The following CYP3A43 variants were observed in gnomAD, a reference collection of about 807,000 sequenced individuals.
The protein encoded by CYP3A43 is cytochrome P450 family 3 subfamily A member 43.
A neutral mutation model predicts 58.0 loss-of-function variants in CYP3A43; 45 were observed. That is an observed-to-expected ratio of 0.78 (90% confidence interval 0.61 to 0.99). The LOEUF (loss-of-function observed/expected upper bound fraction) is 0.99. Ranked by LOEUF, CYP3A43 falls within the 50% of genes least tolerant of loss-of-function variation. The pLI, the probability that CYP3A43 is intolerant of heterozygous loss-of-function variation, is 0.00. For synonymous variants in CYP3A43, 191 were observed against 201.4 expected, an observed-to-expected ratio of 0.95 and a Z score of 0.44; for missense variants, 593 against 591.9, an observed-to-expected ratio of 1.00 and a Z score of -0.02.
chr7:99,834,616 T>C (rs1816990301), intron 1 of CYP3A43, among the ~76,000 whole-genome samples: 1 of 152,202 alleles, frequency 6.6e-6, no homozygotes, highest in African/African-American at 2.4e-5. Context: ...CAAGTGCGGC[T>C]TAGAATAGAC....
At position 99,847,519 on chromosome 7, in the gene CYP3A43, C is replaced by T; in HGVS notation, c.350C>T (p.Ala117Val). Residue 117 changes from alanine (A) to valine (V), a missense_variant, in exon 5 of 13, where the codon GCC becomes GTC. By Grantham distance (64) the Ala-to-Val change is moderately conservative. Transcript: ENST00000354829. ...PLGPMGFLKS[A>V]LSFAEDEEWK... ...GGTCCAATGGGATTTCTGAAAAGTG[C>T]CTTAAGTTTTGCTGAAGATGAAGAA... 1 of 1,613,758 alleles carries T rather than the reference C, an allele frequency of 6.2e-7. No individual in the cohort carries two copies. The highest frequency in any genetic ancestry group is 8.5e-7 in the Non-Finnish European group (1 of 1,179,916).
chr7:99,853,836 G>A (rs1051046105), intron 7 of CYP3A43, among the ~76,000 whole-genome samples: 1 of 152,142 alleles, frequency 6.6e-6, no homozygotes, highest in Non-Finnish European at 1.5e-5. Context: ...GATTATAGGC[G>A]TGAGCCACCG....
intron 4 of CYP3A43, 39 bp downstream of exon 4, chr7:99,844,281 T>C: frequency 1.9e-6 from 3 of 1,579,188 alleles, no homozygotes; most frequent in South Asian, 2.3e-5. Context: ...CAAATTTTTA[T>C]TCTTAAATGA....
At chr7:99,847,286 T>C (rs1422185563) in intron 4 of CYP3A43, among the ~76,000 whole-genome samples, 1 of 151,936 alleles carries the variant, frequency 6.6e-6, no homozygotes, top group African/African-American at 2.4e-5. Flanking sequence ...TTTGCCTTGA[T>C]TCCACCATCC....
intron 1 of CYP3A43, among the ~76,000 whole-genome samples, chr7:99,833,139 T>A (rs1816915377): frequency 6.6e-6 from 1 of 152,106 alleles, no homozygotes; most frequent in Admixed American, 6.6e-5. Flanking sequence ...CTTTTTGGGG[T>A]CTCACAGAGG....
At chr7:99,846,930 G>A (rs1212177251) in intron 4 of CYP3A43, among the ~76,000 whole-genome samples, 3 of 152,028 alleles carry the variant, frequency 2.0e-5, no homozygotes, top group African/African-American at 7.2e-5. Flanking sequence ...AATCCTGGGG[G>A]GAAAATAAAA....
intron 1 of CYP3A43, among the ~76,000 whole-genome samples, chr7:99,835,995 G>C (rs929668261): frequency 6.6e-6 from 1 of 152,146 alleles, no homozygotes. Context: ...GCTGTGCATA[G>C]ACTAGTCAGC....
chr7:99,837,761 C>A (rs1279772545), intron 2 of CYP3A43, among the ~76,000 whole-genome samples: 2 of 152,118 alleles, frequency 1.3e-5, no homozygotes. Flanking sequence ...TCATAGTCTT[C>A]GAATTTTGAC....
chr7:99,859,340 T>C (rs376240705), intron 9 of CYP3A43, among the ~76,000 whole-genome samples: 1 of 152,186 alleles, frequency 6.6e-6, no homozygotes, highest in East Asian at 1.9e-4. Context: ...CCCGCAAACA[T>C]GCTTAGAGAA....
intron 11 of CYP3A43, among the ~76,000 whole-genome samples, chr7:99,862,365 G>C (rs1818271391): frequency 6.6e-6 from 1 of 152,138 alleles, no homozygotes; most frequent in Non-Finnish European, 1.5e-5. Context: ...CTGTGAAAGT[G>C]CAGGCTGAGA....
chr7:99,860,109 C>T, intron 10 of CYP3A43, 119 bp downstream of exon 10: 4 of 1,268,388 alleles, frequency 3.2e-6, no homozygotes, highest in Non-Finnish European at 4.3e-6. Flanking sequence ...TTCATTTACA[C>T]TATGCAGAAA....
At chr7:99,858,590 A>C (rs1199449929) in intron 9 of CYP3A43, among the ~76,000 whole-genome samples, 1 of 151,938 alleles carries the variant, frequency 6.6e-6, no homozygotes, top group Non-Finnish European at 1.5e-5. Flanking sequence ...TATGAATTCC[A>C]CTCACTAGAC....
intron 7 of CYP3A43, among the ~76,000 whole-genome samples, chr7:99,851,759 T>TCTTCTTTGAACTGTAC (rs1817770590): frequency 1.3e-5 from 2 of 152,270 alleles, no homozygotes; most frequent in African/African-American, 4.8e-5. Context: ...TTGAACTTTA[T>TCTTCTTTGAACTGTAC]CTTCTTTGAA....
intron 4 of CYP3A43, among the ~76,000 whole-genome samples, chr7:99,846,156 A>G (rs892458936): frequency 5.9e-5 from 9 of 152,234 alleles, no homozygotes; most frequent in Admixed American, 2.6e-4. Flanking sequence ...TAAGTATTGA[A>G]TTAAACCTAT....
chr7:99,839,315 G>GA, intron 3 of CYP3A43, 143 bp downstream of exon 3: 1 of 985,584 alleles, frequency 1.0e-6, no homozygotes, highest in South Asian at 1.4e-5. Context: ...CTATCTAAAA[G>GA]AAAAAGATGA....
chr7:99,861,959 T>G, intron 11 of CYP3A43, 120 bp downstream of exon 11: 1 of 845,078 alleles, frequency 1.2e-6, no homozygotes, highest in South Asian at 2.0e-5. Context: ...AAGTTTTTTA[T>G]TACAAAATGA....
chr7:99,864,401 T>G (rs1301889402), intron 12 of CYP3A43, among the ~76,000 whole-genome samples: 1 of 148,722 alleles, frequency 6.7e-6, no homozygotes, highest in Non-Finnish European at 1.5e-5. Flanking sequence ...AATAGCTCTA[T>G]GAATGTTCTT....
At chr7:99,862,766 C>T (rs1468730763) in intron 11 of CYP3A43, among the ~76,000 whole-genome samples, 4 of 152,200 alleles carry the variant, frequency 2.6e-5, no homozygotes, top group Non-Finnish European at 4.4e-5. Context: ...TCTTGTTAGG[C>T]ATGCTGTCTC....
chr7:99,862,364 T>C (rs1818271295), intron 11 of CYP3A43, among the ~76,000 whole-genome samples: 1 of 152,220 alleles, frequency 6.6e-6, no homozygotes, highest in Admixed American at 6.5e-5. Flanking sequence ...ACTGTGAAAG[T>C]GCAGGCTGAG....
Sources: allele counts gnomAD v4.1 joint callset (sites outside exome capture counted in the v4.1 genomes callset), GRCh38; gene constraint gnomAD v4.1.1; transcripts MANE v1.5; gene names NCBI Gene and HGNC (gene_info 2026-07-23, HGNC 2026-07-21).